Variants in ARFIP1 observed in about 807,000 individuals in gnomAD.
ARFIP1 encodes the protein arfaptin-1.
In ARFIP1, 24 loss-of-function variants were observed where a neutral mutation model predicts 42.5. The observed-to-expected ratio is 0.57, with a 90% CI of 0.41 to 0.80. The LOEUF is 0.80. Among genes scored for constraint, ARFIP1 ranks in the 30% least tolerant of loss-of-function variants. ARFIP1 has a pLI of 0.00. For missense variants in ARFIP1, 354 were observed against 434.0 expected (o/e 0.82, Z 1.64); for synonymous variants, 141 against 153.7 (o/e 0.92, Z 0.61).
At chr4:152,807,226 C>A (rs1729060464) in intron 1 of ARFIP1, 1 of 149,272 alleles carries the variant, frequency 6.7e-6, no homozygotes, top group African/African-American at 2.5e-5. Flanking sequence ...ATAAGGAAAG[C>A]TGCTAGGAGT....
rs148529663 is a variant in ARFIP1 at position 152,887,931 on chromosome 4, A to T, written c.792-202A>T. ...TGCTTTGAGAGAAATAGTTAATGAG[A>T]TTAACCAGCAGCTTTGTTCTTATTT... On this transcript the variant is annotated intron_variant, in intron 7 of 8. Coordinates refer to ENST00000353617, the MANE Select transcript of ARFIP1 (RefSeq NM_001025595.3). 5.3e-5 allele frequency among the ~76,000 whole-genome samples: 8 copies of T among 152,214 alleles called. No homozygotes were observed. In the East Asian group the frequency reaches 1.5e-3, roughly 29 times the overall value.
At chr4:152,787,504 C>T (rs1730878440) in intron 1 of ARFIP1, among the ~76,000 whole-genome samples, 1 of 152,216 alleles carries the variant, frequency 6.6e-6, no homozygotes, top group African/African-American at 2.4e-5. Flanking sequence ...GCAAGCATGC[C>T]CGCAAAGGGC....
At chr4:152,867,613 G>T (rs1426599340) in intron 3 of ARFIP1, among the ~76,000 whole-genome samples, 5 of 152,076 alleles carry the variant, frequency 3.3e-5, no homozygotes, top group Non-Finnish European at 7.4e-5. Context: ...AAATTATTTA[G>T]CTGGCATTTT....
chr4:152,852,485 T>C (rs1733073395), intron 2 of ARFIP1, among the ~76,000 whole-genome samples: 1 of 151,926 alleles, frequency 6.6e-6, no homozygotes, highest in African/African-American at 2.4e-5. Context: ...CAAAAGAAAT[T>C]AGCCAGGTGT....
At chr4:152,884,169 T>C (rs1471817991) in intron 7 of ARFIP1, among the ~76,000 whole-genome samples, 4 of 152,162 alleles carry the variant, frequency 2.6e-5, no homozygotes, top group Non-Finnish European at 4.4e-5. Flanking sequence ...GAGATTCTTA[T>C]TGACTTGAAA....
chr4:152,852,902 G>A (rs373697131), intron 2 of ARFIP1, among the ~76,000 whole-genome samples: 16 of 152,180 alleles, frequency 1.1e-4, no homozygotes, highest in African/African-American at 3.9e-4. Context: ...GGCTCCTTCT[G>A]TTAGTAGCAG....
intron 8 of ARFIP1, among the ~76,000 whole-genome samples, chr4:152,909,283 G>A (rs1446826942): frequency 6.6e-6 from 1 of 152,150 alleles, no homozygotes; most frequent in African/African-American, 2.4e-5. Flanking sequence ...TACTCGGGAG[G>A]CCAAGACATG....
At chr4:152,899,184 G>A (rs1424501992) in intron 8 of ARFIP1, among the ~76,000 whole-genome samples, 2 of 152,108 alleles carry the variant, frequency 1.3e-5, no homozygotes, top group Non-Finnish European at 2.9e-5. Flanking sequence ...GGATTTCATA[G>A]GGATTTTGTG....
chr4:152,843,514 G>C (rs1425891056), intron 2 of ARFIP1, among the ~76,000 whole-genome samples: 1 of 151,990 alleles, frequency 6.6e-6, no homozygotes, highest in Non-Finnish European at 1.5e-5. Context: ...AGCTACCAGG[G>C]TGGGTAGGGA....
At chr4:152,834,292 ATC>A (rs1561130608) in intron 2 of ARFIP1, among the ~76,000 whole-genome samples, 2 of 152,100 alleles carry the variant, frequency 1.3e-5, no homozygotes, top group Non-Finnish European at 2.9e-5. Flanking sequence ...AGCCCCCTAA[ATC>A]TCTTGTTCTC....
At position 152,907,289 on chromosome 4, in the gene ARFIP1, A is replaced by G. The variant is rs550966585; in HGVS notation, c.967-2775A>G. Among the ~76,000 whole-genome samples the G allele has an allele frequency of 3.3e-5, 5 of 152,336 alleles. No homozygotes were observed. The South Asian group carries it at 1.0e-3, about 32-fold the overall frequency. Reference sequence around the variant, plus strand: ...AATATAAAATGGGAACATTGTGAACAGTGCAAGTCTTCAACAAAGTTGATG... The same window carrying G: ...AATATAAAATGGGAACATTGTGAACGGTGCAAGTCTTCAACAAAGTTGATG... On this transcript the variant is annotated intron_variant, in intron 8 of 8. Coordinates refer to ENST00000353617, the MANE Select transcript of ARFIP1 (RefSeq NM_001025595.3).
At chr4:152,798,194 C>T (rs758922456) in intron 1 of ARFIP1, among the ~76,000 whole-genome samples, 10 of 152,078 alleles carry the variant, frequency 6.6e-5, no homozygotes, top group African/African-American at 9.7e-5. Context: ...ACCCGGGAGG[C>T]GGAGGTTACA....
intron 1 of ARFIP1, among the ~76,000 whole-genome samples, chr4:152,811,899 T>G (rs74669665): frequency 7.3e-5 from 1 of 13,700 alleles, no homozygotes; most frequent in Non-Finnish European, 4.0e-4. Flanking sequence ...TAATTAATGG[T>G]TAGTAAATGA....
chr4:152,816,199 T>TA (rs1419303102), intron 1 of ARFIP1, among the ~76,000 whole-genome samples: 6 of 152,218 alleles, frequency 3.9e-5, no homozygotes, highest in South Asian at 2.1e-4. Flanking sequence ...AACAGTACTT[T>TA]AAAAACCTGA....
chr4:152,873,971 C>G (rs984620498), intron 5 of ARFIP1, among the ~76,000 whole-genome samples: 1 of 152,160 alleles, frequency 6.6e-6, no homozygotes, highest in Admixed American at 6.6e-5. Flanking sequence ...ACTTCTGTAA[C>G]TTTGTTCATA....
chr4:152,843,534 A>G (rs1732275564), intron 2 of ARFIP1, among the ~76,000 whole-genome samples: 1 of 152,096 alleles, frequency 6.6e-6, no homozygotes, highest in South Asian at 2.1e-4. Context: ...AGGGACCATC[A>G]GGTAGGGGCA....
chr4:152,845,281 A>G lies in ARFIP1; in HGVS notation c.93+15555A>G, dbSNP rs912598980. Among the ~76,000 whole-genome samples the G allele has an allele frequency of 2.6e-5, 4 of 152,302 alleles. No individual in the cohort carries two copies. The South Asian group carries it at 8.3e-4, about 32-fold the overall frequency. ...CCTACAAGAAAACCTAGGAAACACC[A>G]TCTGGCCATTGACCTTGGGAAATAA... On this transcript the variant is annotated intron_variant, in intron 2 of 8. Coordinates refer to ENST00000353617, the MANE Select transcript of ARFIP1 (RefSeq NM_001025595.3).
chr4:152,793,324 A>C (rs1731241157), intron 1 of ARFIP1, among the ~76,000 whole-genome samples: 1 of 147,214 alleles, frequency 6.8e-6, no homozygotes, highest in Admixed American at 6.8e-5. Context: ...AAAAAAAAAA[A>C]ATGATATATA....
intron 7 of ARFIP1, among the ~76,000 whole-genome samples, chr4:152,886,379 C>T (rs1360212411): frequency 1.3e-5 from 2 of 151,936 alleles, no homozygotes; most frequent in Non-Finnish European, 2.9e-5. Flanking sequence ...TTCAATCCTG[C>T]CTGCCTGTCT....
Sources: allele counts gnomAD v4.1 joint callset (sites outside exome capture counted in the v4.1 genomes callset), GRCh38; gene constraint gnomAD v4.1.1; transcripts MANE v1.5; gene names NCBI Gene and HGNC (gene_info 2026-07-23, HGNC 2026-07-21).